Variants in CYFIP1 observed in about 807,000 individuals in gnomAD.
CYFIP1 encodes cytoplasmic FMR1-interacting protein 1.
CYFIP1 carries 58 observed loss-of-function variants against 163.5 expected under a neutral mutation model. The observed-to-expected ratio is 0.35, with a 90% CI of 0.29 to 0.44. The LOEUF is 0.44. Among genes scored for constraint, CYFIP1 ranks in the 20% least tolerant of loss-of-function variants. CYFIP1 has a pLI of 1.00. For synonymous variants in CYFIP1, 663 were observed against 660.7 expected (o/e 1.00, Z -0.05); for missense variants, 1,338 against 1,653.8 (o/e 0.81, Z 3.31).
Position 22,882,933 on chromosome 15 carries a change from G to C in CYFIP1, c.2755C>G (p.Arg919Gly), listed in dbSNP as rs950824377. The C allele has an allele frequency of 6.2e-6, 10 of 1,614,048 alleles. No individual in the cohort carries two copies. Among genetic ancestry groups the C allele is most frequent in the Non-Finnish European group, 8.5e-6 (10 of 1,179,952 alleles). Residue 919 changes from arginine to glycine, a missense_variant, in exon 24 of 31, where the codon CGG becomes GGG. This residue lies in a region of CYFIP1 where 824 missense variants were observed against 995.7 expected (regional missense o/e 0.83). Coordinates refer to ENST00000617928, the MANE Select transcript of CYFIP1 (RefSeq NM_014608.6). The stretch of plus-strand genomic sequence containing the variant: ...GCGATACCCTGGTAGCCGAGAAGCC[G>C]GCAGATGACTTGAAAGTGTGGAGGT... The part of the protein sequence containing the change: ...VGPPHFQVIC[R>G]LLGYQGIAVV...
intron 1 of CYFIP1, among the ~76,000 whole-genome samples, chr15:22,959,313 G>A (rs2062593871): frequency 6.6e-6 from 1 of 152,222 alleles, no homozygotes; most frequent in African/African-American, 2.4e-5. Flanking sequence ...GAAGAAGACA[G>A]CGTTTCCCGC....
intron 21 of CYFIP1, 120 bp from the exon 22 acceptor site, chr15:22,904,025 C>A: frequency 1.1e-6 from 1 of 885,516 alleles, no homozygotes; most frequent in East Asian, 2.6e-5. Context: ...GAGGCAGCCC[C>A]CAGTGAGCGT....
chr15:22,925,302 C>T (rs192011792), intron 13 of CYFIP1, among the ~76,000 whole-genome samples: 8 of 152,128 alleles, frequency 5.3e-5, no homozygotes, highest in Non-Finnish European at 8.8e-5. Flanking sequence ...TTCTCATACA[C>T]GGTAGATGAC....
At chr15:22,885,285 T>A (rs1355690352) in intron 23 of CYFIP1, among the ~76,000 whole-genome samples, 1 of 152,164 alleles carries the variant, frequency 6.6e-6, no homozygotes, top group South Asian at 2.1e-4. Flanking sequence ...GTACCACGTA[T>A]CTCTAGGGCG....
At chr15:22,897,666 T>C (rs951224212) in intron 22 of CYFIP1, among the ~76,000 whole-genome samples, 6 of 152,034 alleles carry the variant, frequency 3.9e-5, no homozygotes, top group Admixed American at 3.9e-4. Context: ...GTATTTTTAG[T>C]AGAGGTGGAG....
chr15:22,875,114 G>A, intron 27 of CYFIP1, 85 bp downstream of exon 27: 1 of 1,283,014 alleles, frequency 7.8e-7, no homozygotes, highest in Non-Finnish European at 1.1e-6. Flanking sequence ...AATCTGCACT[G>A]GTCCTTAGCT....
Position 22,939,499 on chromosome 15 carries a change from T to C in CYFIP1, c.578A>G (p.Gln193Arg). ...NDHSAYKRAA[Q>R]FLRKMADPQS... ...TGGATCTGCCATTTTACGTAAAAAC[T>C]GAGCGGCCCTTTGAAAACAAAAAGA... Residue 193 changes from glutamine to arginine, a missense_variant, in exon 7 of 31, where the codon CAG becomes CGG. Physicochemically the swap from Gln to Arg is conservative, Grantham distance 43. This residue lies in a region of CYFIP1 where 186 missense variants were observed against 288.3 expected (regional missense o/e 0.65). Transcript: ENST00000617928. 1 of 1,593,688 alleles carries C rather than the reference T, an allele frequency of 6.3e-7. No individual in the cohort carries two copies. The highest frequency in any genetic ancestry group is 8.5e-7 in the Non-Finnish European group (1 of 1,173,414).
intron 6 of CYFIP1, among the ~76,000 whole-genome samples, chr15:22,941,504 T>C (rs769608019): frequency 2.0e-4 from 30 of 151,898 alleles, no homozygotes; most frequent in Non-Finnish European, 3.8e-4. Flanking sequence ...AAAGAGGTTA[T>C]ACTAGTAGCC....
chr15:22,923,550 T>C (rs2061257322), intron 13 of CYFIP1, among the ~76,000 whole-genome samples: 1 of 152,170 alleles, frequency 6.6e-6, no homozygotes, highest in African/African-American at 2.4e-5. Flanking sequence ...TATCTGGTAG[T>C]TCCTCAAAAG....
chr15:22,942,713 TC>T (rs1178239764), intron 6 of CYFIP1, among the ~76,000 whole-genome samples: 1 of 152,132 alleles, frequency 6.6e-6, no homozygotes, highest in Non-Finnish European at 1.5e-5. Context: ...ACGGGCCACG[TC>T]TGCACATTGC....
Position 22,870,131 on chromosome 15 carries a change from G to T in CYFIP1, c.3659C>A (p.Thr1220Asn). ...KFQILNDEII[T>N]ILDKYLKSGD... is the part of the protein sequence containing the mutation. ...TGACTTCAGGTACTTATCCAGGATG[G>T]TGATGATCTCATCATTGAGAATCTG... Residue 1220 changes from threonine to asparagine, a missense_variant, in exon 31 of 31, where the codon ACC (threonine) becomes AAC (asparagine). Physicochemically the swap from Thr to Asn is moderately conservative, Grantham distance 65 (BLOSUM62 0). Coordinates refer to ENST00000617928, the MANE Select transcript of CYFIP1 (RefSeq NM_014608.6). The T allele has an allele frequency of 6.2e-7, 1 of 1,612,968 alleles. No homozygotes were observed. The highest frequency in any genetic ancestry group is 8.5e-7 in the Non-Finnish European group (1 of 1,179,556).
chr15:22,970,927 T>A (rs1352342948), intron 1 of CYFIP1, among the ~76,000 whole-genome samples: 2 of 151,916 alleles, frequency 1.3e-5, no homozygotes, highest in Non-Finnish European at 2.9e-5. Context: ...ATACAAAAAA[T>A]TAGCTGGGTG....
chr15:22,885,033 AC>A (rs1304742150), intron 23 of CYFIP1, among the ~76,000 whole-genome samples: 1 of 151,412 alleles, frequency 6.6e-6, no homozygotes, highest in African/African-American at 2.4e-5. Context: ...AGCCAAGAAA[AC>A]CATTTTTCCC....
intron 22 of CYFIP1, among the ~76,000 whole-genome samples, chr15:22,894,789 A>C (rs2060184031): frequency 6.8e-6 from 1 of 148,038 alleles, no homozygotes; most frequent in Non-Finnish European, 1.5e-5. Flanking sequence ...TATATGATAC[A>C]TAACATAATA....
intron 25 of CYFIP1, among the ~76,000 whole-genome samples, chr15:22,881,148 G>A (rs547527836): frequency 7.1e-4 from 108 of 152,142 alleles, no homozygotes; most frequent in Non-Finnish European, 1.3e-3. Context: ...CCTGAGCCAC[G>A]TGTTCAAGAG....
At chr15:22,923,942 C>CAAAAAAAAAAAAAAAAAAAA (rs916058496) in intron 13 of CYFIP1, among the ~76,000 whole-genome samples, 1 of 61,812 alleles carries the variant, frequency 1.6e-5, no homozygotes, top group African/African-American at 7.3e-5. Context: ...ACCTTGTCTC[C>CAAAAAAAAAAAAAAAAAAAA]AAAAAAAAAA....
chr15:22,978,310 T>C (rs62009540), intron 1 of CYFIP1, among the ~76,000 whole-genome samples: 52,792 of 133,612 alleles, frequency 0.4, 9,992 homozygotes, highest in African/African-American at 0.47. Context: ...CGAGTTTGCG[T>C]CACTGCACTC....
At chr15:22,914,694 A>T in intron 17 of CYFIP1, 32 bp downstream of exon 17, 2 of 1,580,876 alleles carry the variant, frequency 1.3e-6, no homozygotes, top group East Asian at 2.3e-5. Context: ...CACCACACAC[A>T]AAGGCTGGAG....
chr15:22,918,930 C>T (rs1566972198), intron 13 of CYFIP1, 72 bp from the exon 14 acceptor site: 11 of 1,261,074 alleles, frequency 8.7e-6, no homozygotes, highest in South Asian at 1.4e-5. Context: ...TGGCACATGC[C>T]GGGGGCTGCT....
Sources: gnomAD v4.1 joint callset for allele counts (sites outside exome capture counted in the v4.1 genomes callset) on GRCh38, gnomAD v4.1.1 for gene constraint, gnomAD v4.1.1 regional missense constraint, MANE v1.5 for transcripts, NCBI Gene and HGNC (gene_info 2026-07-23, HGNC 2026-07-21) for gene names.